The following TMEM117 variants were observed in gnomAD, a reference collection of about 807,000 sequenced individuals.
TMEM117 encodes the protein transmembrane protein 117.
TMEM117 carries 27 observed loss-of-function variants against 52.4 expected under a neutral mutation model. That is an observed-to-expected ratio of 0.51 (90% CI 0.38 to 0.71). The LOEUF is 0.71. Among genes scored for constraint, TMEM117 ranks in the 30% least tolerant of loss-of-function variants. The pLI is 0.00. For missense variants in TMEM117, 556 were observed against 630.5 expected (o/e 0.88, Z 1.26); for synonymous variants, 215 against 206.3 (o/e 1.04, Z -0.36).
intron 3 of TMEM117, among the ~76,000 whole-genome samples, chr12:44,017,233 C>CTGTGTGTGTGTGTGTGTGTGTG (rs143648069): frequency 0.016 from 2,327 of 147,278 alleles, 47 homozygotes; most frequent in African/African-American, 0.043. Flanking sequence ...ATGAAGCCTT[C>CTGTGTGTGTGTGTGTGTGTGTG]TGTGTGTGTG....
Position 43,981,403 on chromosome 12 carries a change from A to G in TMEM117, c.410+37061A>G, listed in dbSNP as rs117852810. Among the ~76,000 whole-genome samples the G allele has an allele frequency of 2.2e-4, 34 of 152,322 alleles. No individual in the cohort carries two copies. In the East Asian group the frequency reaches 6.0e-3, roughly 27 times the overall value. ...ATCTGTATAGTGCTGGAGCACAGAA[A>G]GAGGAAGGATGAATGGATCATAGTT... On this transcript the variant is annotated intron_variant, in intron 3 of 7. Coordinates refer to ENST00000266534, the MANE Select transcript of TMEM117 (RefSeq NM_032256.3).
intron 3 of TMEM117, among the ~76,000 whole-genome samples, chr12:43,978,498 C>T (rs1226720214): frequency 1.3e-5 from 2 of 152,118 alleles, no homozygotes; most frequent in Non-Finnish European, 2.9e-5. Flanking sequence ...ATGTGGTCTC[C>T]ACCAAACAGC....
intron 1 of TMEM117, among the ~76,000 whole-genome samples, chr12:43,838,658 C>T (rs905784219): frequency 2.1e-5 from 3 of 146,192 alleles, no homozygotes; most frequent in African/African-American, 7.7e-5. Flanking sequence ...TTCAAGTCAT[C>T]ACTTAGTACT....
At chr12:44,301,086 A>G (rs1047839995) in intron 6 of TMEM117, among the ~76,000 whole-genome samples, 3 of 152,228 alleles carry the variant, frequency 2.0e-5, no homozygotes, top group South Asian at 2.1e-4. Flanking sequence ...CTTAAAGTCA[A>G]TGGTATTAGT....
chr12:44,142,168 A>G (rs1389328310), intron 3 of TMEM117, among the ~76,000 whole-genome samples: 1 of 152,292 alleles, frequency 6.6e-6, no homozygotes, highest in East Asian at 1.9e-4. Flanking sequence ...ATTTCATTGT[A>G]CCAGTGTGAG....
intron 6 of TMEM117, among the ~76,000 whole-genome samples, chr12:44,370,431 A>T (rs777732149): frequency 2.7e-4 from 41 of 152,278 alleles, no homozygotes; most frequent in South Asian, 8.3e-4. Context: ...ATTTACAAAA[A>T]CAAGTATTTA....
intron 4 of TMEM117, among the ~76,000 whole-genome samples, chr12:44,150,233 A>G (rs1948701445): frequency 6.6e-6 from 1 of 152,212 alleles, no homozygotes; most frequent in Non-Finnish European, 1.5e-5. Context: ...TTCTCTAAGA[A>G]AAAAAGCATG....
intron 2 of TMEM117, among the ~76,000 whole-genome samples, chr12:43,846,761 A>T (rs887582392): frequency 2.6e-5 from 4 of 152,216 alleles, no homozygotes; most frequent in African/African-American, 9.6e-5. Context: ...TAAGATAAAT[A>T]GGTGACTTAC....
intron 3 of TMEM117, among the ~76,000 whole-genome samples, chr12:43,953,556 G>A (rs1272612350): frequency 6.6e-6 from 1 of 152,020 alleles, no homozygotes; most frequent in Non-Finnish European, 1.5e-5. Flanking sequence ...GACAAAAAAG[G>A]GCATTACATA....
intron 3 of TMEM117, among the ~76,000 whole-genome samples, chr12:44,030,954 G>T (rs949161336): frequency 9.2e-5 from 14 of 152,228 alleles, no homozygotes; most frequent in African/African-American, 3.4e-4. Flanking sequence ...GCAAAAACCT[G>T]CTTATAATCT....
intron 5 of TMEM117, among the ~76,000 whole-genome samples, chr12:44,218,673 G>C (rs79750447): frequency 0.015 from 2,345 of 152,254 alleles, 59 homozygotes; most frequent in African/African-American, 0.054. Context: ...GTTGCACCCA[G>C]ACATAGAAAG....
At chr12:43,917,501 A>G (rs1944625910) in intron 2 of TMEM117, among the ~76,000 whole-genome samples, 1 of 152,202 alleles carries the variant, frequency 6.6e-6, no homozygotes. Context: ...ACATATAACC[A>G]GAAGCAGGGA....
chr12:44,353,007 AT>A (rs1485512452), intron 6 of TMEM117, among the ~76,000 whole-genome samples: 3 of 152,086 alleles, frequency 2.0e-5, no homozygotes, highest in African/African-American at 4.8e-5. Flanking sequence ...GTGAGATGGT[AT>A]CTCATTGTGG....
chr12:43,821,069 T>A, the TMEM117 span, among the ~76,000 whole-genome samples: 4 of 145,218 alleles, frequency 2.8e-5, no homozygotes, highest in South Asian at 6.5e-4. Context: ...CACTCTAGCC[T>A]GGGCAACAAA....
the TMEM117 span, among the ~76,000 whole-genome samples, chr12:43,806,572 T>C: frequency 2.0e-5 from 3 of 152,018 alleles, no homozygotes; most frequent in Non-Finnish European, 2.9e-5. Flanking sequence ...CGACGTCTGC[T>C]CTCTGACAAC....
the TMEM117 span, chr12:43,797,463 G>A: frequency 5.8e-6 from 9 of 1,558,868 alleles, no homozygotes; most frequent in Non-Finnish European, 7.8e-6. Context: ...CTGCCAATAA[G>A]AAACAAAATA....
chr12:44,296,098 A>G (rs1323545698), intron 5 of TMEM117, among the ~76,000 whole-genome samples: 1 of 152,184 alleles, frequency 6.6e-6, no homozygotes, highest in Non-Finnish European at 1.5e-5. Flanking sequence ...AGCAGAGTGT[A>G]TATGGATCCT....
intron 3 of TMEM117, among the ~76,000 whole-genome samples, chr12:44,058,423 A>G (rs1947090794): frequency 6.6e-6 from 1 of 152,212 alleles, no homozygotes; most frequent in Non-Finnish European, 1.5e-5. Flanking sequence ...CAATTTTTCT[A>G]TGCTGTGAAT....
chr12:44,242,539 A>T (rs1209518790), intron 5 of TMEM117, among the ~76,000 whole-genome samples: 3 of 151,620 alleles, frequency 2.0e-5, no homozygotes, highest in Non-Finnish European at 4.4e-5. Context: ...TCAATCTGTC[A>T]TTGATGGGCA....
Sources: gnomAD v4.1 joint callset for allele counts (sites outside exome capture counted in the v4.1 genomes callset) on GRCh38, gnomAD v4.1.1 for gene constraint, MANE v1.5 for transcripts, NCBI Gene and HGNC (gene_info 2026-07-23, HGNC 2026-07-21) for gene names.